ZNF521: variants seen among roughly 807,000 people sequenced by gnomAD.
The protein encoded by ZNF521 is zinc finger protein 521.
In ZNF521, 14 loss-of-function variants were observed where a neutral mutation model predicts 105.5. The observed-to-expected ratio is 0.13, with a 90% CI of 0.09 to 0.21. The LOEUF is 0.21. ZNF521 is among the 10% of genes least tolerant of loss of function. The probability of loss-of-function intolerance (pLI) is 1.00; values close to 1 mark genes in which losing one functional copy is unlikely to be tolerated. For synonymous variants in ZNF521, 635 were observed against 606.0 expected, an observed-to-expected ratio of 1.05 and a Z score of -0.70; for missense variants, 1,233 against 1,629.7, an observed-to-expected ratio of 0.76 and a Z score of 4.19.
At chr18:25,335,804 A>C (rs1328375508) in intron 2 of ZNF521, among the ~76,000 whole-genome samples, 1 of 152,232 alleles carries the variant, frequency 6.6e-6, no homozygotes, top group Non-Finnish European at 1.5e-5. Flanking sequence ...AAGAAAAGAT[A>C]GTGTCTACGA....
At chr18:25,156,893 C>A (rs1396517544) in intron 5 of ZNF521, among the ~76,000 whole-genome samples, 1 of 152,088 alleles carries the variant, frequency 6.6e-6, no homozygotes, top group Non-Finnish European at 1.5e-5. Flanking sequence ...CATGAAGGAG[C>A]TCTTGCCAAA....
intron 5 of ZNF521, among the ~76,000 whole-genome samples, chr18:25,183,427 C>T (rs2035666595): frequency 6.6e-6 from 1 of 152,094 alleles, no homozygotes; most frequent in Non-Finnish European, 1.5e-5. Context: ...CAGTTTGAAC[C>T]TTTAATCCAA....
At chr18:25,273,058 C>T (rs948497620) in intron 3 of ZNF521, among the ~76,000 whole-genome samples, 2 of 151,168 alleles carry the variant, frequency 1.3e-5, no homozygotes, top group Non-Finnish European at 2.9e-5. Context: ...AAAATCCTCT[C>T]TCTACAAAAA....
At position 25,224,530 on chromosome 18, in the gene ZNF521, T is replaced by C. The variant is rs1181886199; in HGVS notation, c.3388A>G (p.Lys1130Glu). 1 of 1,613,988 alleles carries C rather than the reference T, an allele frequency of 6.2e-7. No homozygotes were observed. The highest frequency in any genetic ancestry group is 1.1e-5 in the South Asian group (1 of 91,070). ...GTCTTCAGTCCCCCCACCTTGCCTT[T>C]CCCCTCAATGGCACTCAGATTCTCA... is the stretch of plus-strand genomic sequence containing the variant. The part of the protein sequence containing the change: ...QNENLSAIEG[K>E]GKVGGLKTRC... Residue 1130 changes from lysine to glutamate, a missense_variant, in exon 4 of 8, where the codon AAA (lysine) becomes GAA (glutamate). By Grantham distance (56) the Lys-to-Glu change is moderately conservative (BLOSUM62 1). This residue lies in a region of ZNF521 where 614 missense variants were observed against 751.5 expected (regional missense o/e 0.82). Coordinates refer to ENST00000361524, the MANE Select transcript of ZNF521 (RefSeq NM_015461.3).
intron 7 of ZNF521, among the ~76,000 whole-genome samples, chr18:25,078,558 C>T (rs144532508): frequency 6.6e-6 from 1 of 152,300 alleles, no homozygotes; most frequent in East Asian, 1.9e-4. Context: ...TGACCTCTCA[C>T]CCCGCCGCTG....
chr18:25,303,798 T>C (rs549140795), intron 3 of ZNF521, among the ~76,000 whole-genome samples: 8 of 152,320 alleles, frequency 5.3e-5, no homozygotes, highest in Non-Finnish European at 8.8e-5. Context: ...ATATCTGAGA[T>C]AGTCAATTAT....
intron 5 of ZNF521, among the ~76,000 whole-genome samples, chr18:25,137,560 G>GTCCA (rs142810085): frequency 0.014 from 2,131 of 152,240 alleles, 48 homozygotes; most frequent in African/African-American, 0.047. Context: ...ATGGAGTCCA[G>GTCCA]TGCAGCTGAC....
Position 25,078,549 on chromosome 18 carries a change from G to C in ZNF521, c.3906+10916C>G, listed in dbSNP as rs550503783. ...CGTGGGTGCTGCTGTCTTAATGCAT[G>C]ACCTCTCACCCCGCCGCTGCAGTTC... On this transcript the variant is annotated intron_variant, in intron 7 of 7. Coordinates refer to ENST00000361524, the MANE Select transcript of ZNF521 (RefSeq NM_015461.3). Among the ~76,000 whole-genome samples, 4 of 152,146 alleles carry C rather than the reference G, an allele frequency of 2.6e-5. No homozygotes were observed. In the East Asian group the frequency reaches 7.7e-4, roughly 29 times the overall value.
intron 3 of ZNF521, among the ~76,000 whole-genome samples, chr18:25,265,905 G>A (rs796210418): frequency 3.3e-5 from 5 of 152,288 alleles, no homozygotes; most frequent in African/African-American, 9.6e-5. Context: ...TGGAACTGGA[G>A]ATCATATGTT....
chr18:25,126,076 C>CT (rs1261631541), intron 5 of ZNF521, among the ~76,000 whole-genome samples: 1 of 151,996 alleles, frequency 6.6e-6, no homozygotes, highest in East Asian at 1.9e-4. Flanking sequence ...ATAGACTCCT[C>CT]TAGGACATCT....
At chr18:25,205,987 AT>A (rs971557368) in intron 4 of ZNF521, among the ~76,000 whole-genome samples, 2 of 151,020 alleles carry the variant, frequency 1.3e-5, no homozygotes, top group Non-Finnish European at 3.0e-5. Context: ...TGTCTTATTC[AT>A]TTTTTTTTAA....
intron 7 of ZNF521, among the ~76,000 whole-genome samples, chr18:25,063,671 T>A (rs2032972453): frequency 1.3e-5 from 2 of 152,108 alleles, no homozygotes; most frequent in Admixed American, 1.3e-4. Flanking sequence ...GATGAAGAGA[T>A]AACCTGGTTC....
chr18:25,148,482 CCTT>C (rs1002527285), intron 5 of ZNF521, among the ~76,000 whole-genome samples: 8 of 152,144 alleles, frequency 5.3e-5, no homozygotes, highest in African/African-American at 1.7e-4. Flanking sequence ...TTCCTTCTCT[CCTT>C]CTTCTTTCCC....
At chr18:25,127,322 T>C (rs1360168177) in intron 5 of ZNF521, among the ~76,000 whole-genome samples, 2 of 152,024 alleles carry the variant, frequency 1.3e-5, no homozygotes, top group Admixed American at 6.6e-5. Context: ...AGGACCGACA[T>C]AGAGACTTCC....
chr18:25,254,302 A>G (rs1469994647), intron 3 of ZNF521, among the ~76,000 whole-genome samples: 1 of 152,124 alleles, frequency 6.6e-6, no homozygotes, highest in African/African-American at 2.4e-5. Flanking sequence ...AGGTAGAAGC[A>G]TGTACACTAT....
At chr18:25,253,643 A>G (rs1232565946) in intron 3 of ZNF521, among the ~76,000 whole-genome samples, 3 of 152,134 alleles carry the variant, frequency 2.0e-5, no homozygotes, top group Admixed American at 6.6e-5. Context: ...TTGTGCTTCA[A>G]AAAATGTATT....
intron 7 of ZNF521, among the ~76,000 whole-genome samples, chr18:25,068,444 A>G (rs1035397596): frequency 6.6e-6 from 1 of 152,218 alleles, no homozygotes; most frequent in Non-Finnish European, 1.5e-5. Context: ...GTGCAGTTAC[A>G]GGCTGCAAAC....
intron 3 of ZNF521, among the ~76,000 whole-genome samples, chr18:25,239,787 GGGA>G (rs554028656): frequency 6.6e-6 from 1 of 152,132 alleles, no homozygotes; most frequent in Non-Finnish European, 1.5e-5. Flanking sequence ...AATAGGAGGG[GGGA>G]GGAGAAGGAG....
At chr18:25,335,690 T>C (rs758606706) in intron 2 of ZNF521, among the ~76,000 whole-genome samples, 1 of 152,212 alleles carries the variant, frequency 6.6e-6, no homozygotes, top group Non-Finnish European at 1.5e-5. Flanking sequence ...AAGAAAAAAG[T>C]ATAAATGGCT....
Sources: allele counts gnomAD v4.1 joint callset (sites outside exome capture counted in the v4.1 genomes callset), GRCh38; gene constraint gnomAD v4.1.1; regional missense constraint gnomAD v4.1.1; transcripts MANE v1.5; gene names NCBI Gene and HGNC (gene_info 2026-07-23, HGNC 2026-07-21).